The following ZNF724 variants were observed in gnomAD, a reference collection of about 807,000 sequenced individuals.
ZNF724 encodes zinc finger protein 724 pseudogene.
ZNF724 carries 14 observed loss-of-function variants against 29.3 expected under a neutral mutation model. The ratio of observed to expected loss-of-function variants is 0.48; its 90% CI spans 0.32 to 0.75. The LOEUF (loss-of-function observed/expected upper bound fraction) is 0.75, where lower values mean the gene tolerates loss of function less well. Ranked by LOEUF, ZNF724 falls within the 30% of genes least tolerant of loss-of-function variation. The pLI, the probability that ZNF724 is intolerant of heterozygous loss-of-function variation, is 0.04. For synonymous variants in ZNF724, 180 were observed against 193.6 expected (o/e 0.93, Z 0.58); for missense variants, 557 against 571.2 (o/e 0.98, Z 0.25).
intron 1 of ZNF724, among the ~76,000 whole-genome samples, chr19:23,244,915 C>T (rs537763291): frequency 1.7e-4 from 26 of 151,906 alleles, no homozygotes; most frequent in East Asian, 1.9e-4. Context: ...TTATGTTGAC[C>T]GGATTATTAT....
At position 23,223,984 on chromosome 19, in the gene ZNF724, TG is replaced by T; in HGVS notation, c.260del (p.Pro87GlnfsTer5). On this transcript the variant is annotated frameshift_variant, in exon 4 of 4. Coordinates refer to ENST00000418100, the MANE Select transcript of ZNF724 (RefSeq NM_001355404.2). LOFTEE classifies it low-confidence loss of function (END_TRUNC). Reference protein sequence around the residue: ...MCCYFAQDLRPEQSIKASLQR... With the variant: ...MCCYFAQDLRXEQSIKASLQR... ...GCAAAGAAGCTTTTATGCTCTGCTC[TG>T]GCCGAAGGTCTTGGGCAAAATAACA... The T allele has an allele frequency of 1.4e-6, 1 of 695,394 alleles. No homozygotes were observed. The allele number at this position is 695,394 out of a possible 1,614,324, so 43.1% of individuals were successfully genotyped here.
chr19:23,232,991 T>G (rs1011444720), intron 1 of ZNF724, among the ~76,000 whole-genome samples: 1 of 152,092 alleles, frequency 6.6e-6, no homozygotes, highest in Non-Finnish European at 1.5e-5. Flanking sequence ...ATTAACTGTA[T>G]AGTGAAAAAA....
At chr19:23,225,894 C>G (rs888553790) in intron 3 of ZNF724, among the ~76,000 whole-genome samples, 3 of 152,066 alleles carry the variant, frequency 2.0e-5, no homozygotes, top group Non-Finnish European at 4.4e-5. Flanking sequence ...TACTGTCACC[C>G]AAGCTGAAAT....
At chr19:23,246,277 ATACTT>A (rs1407291533) in intron 1 of ZNF724, among the ~76,000 whole-genome samples, 1 of 152,194 alleles carries the variant, frequency 6.6e-6, no homozygotes, top group African/African-American at 2.4e-5. Context: ...CAGACAATAA[ATACTT>A]TATTATCTCC....
chr19:23,250,337 G>C lies in ZNF724; in HGVS notation c.-95C>G, dbSNP rs893400422. ...ACAGAGGCTGGGCCTCTAAGAGCAG[G>C]GGACACAAAGCAGGGAAGACGAGAC... On this transcript the variant is annotated 5_prime_UTR_variant, in exon 1 of 4. Coordinates refer to ENST00000418100, the MANE Select transcript of ZNF724 (RefSeq NM_001355404.2). 1 of 533,694 alleles carries C rather than the reference G, an allele frequency of 1.9e-6. No individual in the cohort carries two copies. The highest frequency in any genetic ancestry group is 5.2e-5 in the East Asian group (1 of 19,188). 33.1% of individuals were successfully genotyped at this position (533,694 alleles called of 1,614,324 possible).
At chr19:23,227,509 T>G (rs1971854505) in intron 3 of ZNF724, among the ~76,000 whole-genome samples, 1 of 134,894 alleles carries the variant, frequency 7.4e-6, no homozygotes, top group Non-Finnish European at 1.5e-5. Flanking sequence ...TGAGCCGAGA[T>G]CATGCCATTG....
chr19:23,233,642 T>C (rs1330533404), intron 1 of ZNF724, among the ~76,000 whole-genome samples: 1 of 152,030 alleles, frequency 6.6e-6, no homozygotes. Flanking sequence ...AAAGAAATAT[T>C]TTTCTTGATT....
chr19:23,230,579 T>G (rs1017913221), intron 3 of ZNF724, among the ~76,000 whole-genome samples: 2 of 152,084 alleles, frequency 1.3e-5, no homozygotes, highest in Non-Finnish European at 2.9e-5. Flanking sequence ...TCAGACATGA[T>G]GTAGAAAGAA....
chr19:23,227,956 C>T (rs1468946638), intron 3 of ZNF724, among the ~76,000 whole-genome samples: 2 of 152,024 alleles, frequency 1.3e-5, no homozygotes, highest in African/African-American at 4.8e-5. Context: ...AAAAGGTGAC[C>T]TATTTTCTTA....
At chr19:23,229,458 G>C (rs1191602380) in intron 3 of ZNF724, among the ~76,000 whole-genome samples, 2 of 151,996 alleles carry the variant, frequency 1.3e-5, no homozygotes, top group Non-Finnish European at 2.9e-5. Flanking sequence ...CCTACACAGT[G>C]ACCTGGCAAA....
At position 23,222,932 on chromosome 19, in the gene ZNF724, G is replaced by C; in HGVS notation, c.1313C>G (p.Thr438Ser). The change falls in exon 4 of 4, where the codon ACT becomes AGT. Residue 438 changes from threonine (T) to serine (S), a missense_variant. This residue lies in a region of ZNF724 where 362 missense variants were observed against 295.5 expected (regional missense o/e 1.22). Coordinates refer to ENST00000418100, the MANE Select transcript of ZNF724 (RefSeq NM_001355404.2). ...TCCAGTATGAATTATCTTATGTGTA[G>C]TAAGTTGTGAGAACTGGTTAAAGGC... ...GKAFNQFSQL[T>S]THKIIHTGEK... is the part of the protein sequence containing the mutation. 1 of 1,387,134 alleles carries C rather than the reference G, an allele frequency of 7.2e-7. No homozygotes were observed. The highest frequency in any genetic ancestry group is 1.2e-5 in the South Asian group (1 of 86,230). The allele number at this position is 1,387,134 out of a possible 1,614,324, so 85.9% of individuals were successfully genotyped here. A position where few individuals can be genotyped will look rare whatever the true frequency, so the allele number is the denominator to read the frequency against.
chr19:23,226,131 A>C (rs1452956600), intron 3 of ZNF724, among the ~76,000 whole-genome samples: 3 of 148,332 alleles, frequency 2.0e-5, no homozygotes, highest in African/African-American at 7.5e-5. Context: ...GGCTCACTGC[A>C]AGCTCTACCT....
chr19:23,249,028 A>C (rs1972297704), intron 1 of ZNF724, among the ~76,000 whole-genome samples: 1 of 151,838 alleles, frequency 6.6e-6, no homozygotes, highest in South Asian at 2.1e-4. Context: ...ACTAAGAAGA[A>C]GAAAAGAGGA....
Position 23,223,125 on chromosome 19 carries a change from C to T in ZNF724, c.1120G>A (p.Ala374Thr), listed in dbSNP as rs777461398. 2 of 1,280,702 alleles carry T rather than the reference C, an allele frequency of 1.6e-6. No individual in the cohort carries two copies. Among genetic ancestry groups the T allele is most frequent in the African/African-American group, 1.5e-5 (1 of 68,518 alleles). 79.3% of individuals were successfully genotyped at this position (1,280,702 alleles called of 1,614,324 possible). ...KPYKCEECGK[A>T]FNVSSTLTQH... ...GTAAGAGTTGAGGACACGTTAAAGG[C>T]TTTGCCACACTCTTCACATTTGTAA... Residue 374 changes from alanine to threonine, a missense_variant, in exon 4 of 4, where the codon GCC becomes ACC. Ala to Thr is a moderately conservative substitution (Grantham distance 58, BLOSUM62 0). This residue lies in a region of ZNF724 where 362 missense variants were observed against 295.5 expected (regional missense o/e 1.22). Transcript: ENST00000418100.
rs144821650 is a variant in ZNF724, at chr19:23,247,014, G to A, written c.3+3226C>T. On this transcript the variant is annotated intron_variant, in intron 1 of 3. Coordinates refer to ENST00000418100, the MANE Select transcript of ZNF724 (RefSeq NM_001355404.2). ...GAGGTGGGCGGATCACCTGAGGTCAGGAGTTCAAGACCAGCCTGGCCAACA... is the reference window on the plus strand; with the variant it reads ...GAGGTGGGCGGATCACCTGAGGTCAAGAGTTCAAGACCAGCCTGGCCAACA... 1.7e-3 allele frequency among the ~76,000 whole-genome samples: 266 copies of A among 152,232 alleles called. 1 individual carries two copies. In the East Asian group the frequency reaches 0.022, roughly 13 times the overall value.
Position 23,222,644 on chromosome 19 carries a change from T to A in ZNF724, c.1601A>T (p.Tyr534Phe). 3.7e-6 allele frequency: 5 copies of A among 1,363,418 alleles called. No homozygotes were observed. Among genetic ancestry groups the A allele is most frequent in the Non-Finnish European group, 5.2e-6 (5 of 955,198 alleles). 84.5% of individuals were successfully genotyped at this position (1,363,418 alleles called of 1,614,324 possible). ...AGCTTTGCCACATTCTTCACATTTG[T>A]AGGGTTTCTCTCCAGCATGAATTAT... ...HKIIHAGEKP[Y>F]KCEECGKAFY... Residue 534 changes from tyrosine (Y) to phenylalanine (F), a missense_variant, in exon 4 of 4, where the codon TAC becomes TTC. Tyr to Phe is a conservative substitution (Grantham distance 22). Coordinates refer to ENST00000418100, the MANE Select transcript of ZNF724 (RefSeq NM_001355404.2).
intron 1 of ZNF724, among the ~76,000 whole-genome samples, chr19:23,238,311 GC>G (rs1369070455): frequency 6.6e-6 from 1 of 151,978 alleles, no homozygotes; most frequent in East Asian, 1.9e-4. Flanking sequence ...CTTGCAATGA[GC>G]CCAGATCACG....
intron 1 of ZNF724, among the ~76,000 whole-genome samples, chr19:23,241,061 AAAG>A (rs1199970494): frequency 6.6e-6 from 1 of 152,104 alleles, no homozygotes; most frequent in Non-Finnish European, 1.5e-5. Flanking sequence ...AACAAAAAAA[AAAG>A]ACTACAGAGA....
intron 1 of ZNF724, among the ~76,000 whole-genome samples, chr19:23,233,688 C>A (rs1029239343): frequency 5.9e-5 from 9 of 151,590 alleles, no homozygotes; most frequent in African/African-American, 1.7e-4. Flanking sequence ...AAAACAAACT[C>A]ATTAGGGAGA....
Sources: gnomAD v4.1 joint callset for allele counts (sites outside exome capture counted in the v4.1 genomes callset) on GRCh38, gnomAD v4.1.1 for gene constraint, gnomAD v4.1.1 regional missense constraint, MANE v1.5 for transcripts, NCBI Gene and HGNC (gene_info 2026-07-23, HGNC 2026-07-21) for gene names.